Variants in UBR4 observed in about 807,000 individuals in gnomAD.
The protein encoded by UBR4 is ubiquitin protein ligase E3 component n-recognin 4, also known as E3 ubiquitin-protein ligase UBR4.
In UBR4, 124 loss-of-function variants were observed where a neutral mutation model predicts 575.6. The observed-to-expected ratio is 0.22, with a 90% CI of 0.19 to 0.25. The LOEUF (loss-of-function observed/expected upper bound fraction) is 0.25, where lower values mean the gene tolerates loss of function less well. Ranked by LOEUF, UBR4 falls within the 10% of genes least tolerant of loss-of-function variation. UBR4 has a pLI of 1.00. For synonymous variants in UBR4, 2,455 were observed against 2,473.7 expected (o/e 0.99, Z 0.22); for missense variants, 4,818 against 6,478.8 (o/e 0.74, Z 8.80).
chr1:19,084,404 G>A (rs1238974761), intron 102 of UBR4, 100 bp downstream of exon 102: 4 of 1,292,592 alleles, frequency 3.1e-6, no homozygotes, highest in East Asian at 2.5e-5. Context: ...CGCTTGCTCC[G>A]GAACTAGCAT....
chr1:19,149,677 A>T, intron 49 of UBR4: 1 of 1,160,570 alleles, frequency 8.6e-7, no homozygotes, highest in Non-Finnish European at 1.1e-6. Context: ...CAACAGAAGC[A>T]GAATCAATGC....
intron 25 of UBR4, among the ~76,000 whole-genome samples, chr1:19,171,598 T>C (rs10917059): frequency 0.67 from 102,179 of 152,054 alleles, 35,197 homozygotes; most frequent in East Asian, 0.81. Context: ...CCCAGCACTT[T>C]GGGAGGCTGA....
chr1:19,128,306 G>A lies in UBR4; in HGVS notation c.9016C>T (p.Leu3006Phe), dbSNP rs771928361. The A allele has an allele frequency of 2.5e-6, 4 of 1,613,934 alleles. No homozygotes were observed. The highest frequency in any genetic ancestry group is 3.4e-6 in the Non-Finnish European group (4 of 1,179,888). Residue 3006 changes from leucine to phenylalanine, a missense_variant, in exon 62 of 106, where the codon CTC becomes TTC. Physicochemically the swap from Leu to Phe is conservative, Grantham distance 22. Coordinates refer to ENST00000375254, the MANE Select transcript of UBR4 (RefSeq NM_020765.3). ...TCTTCTCCATCCAGATCTGTAGTGAGCATTAGAATGACCTAGAAGTCAAAG... is the reference window on the plus strand; with the variant it reads ...TCTTCTCCATCCAGATCTGTAGTGAACATTAGAATGACCTAGAAGTCAAAG... ...AIPYMQVILM[L>F]TTDLDGEDEK...
At position 19,089,420 on chromosome 1, in the gene UBR4, G is replaced by A. The variant is rs550000188; in HGVS notation, c.14212-443C>T. On this transcript the variant is annotated intron_variant, in intron 97 of 105. Coordinates refer to ENST00000375254, the MANE Select transcript of UBR4 (RefSeq NM_020765.3). The surrounding 1 kb of genome is among the most constrained non-coding windows in gnomAD (Gnocchi z 4.3). ...TAAGGACCTGCCCTGAGTTCTCCACGGGAGCCCCTGGGTCCACCAAACCTA... is the reference window on the plus strand; with the variant it reads ...TAAGGACCTGCCCTGAGTTCTCCACAGGAGCCCCTGGGTCCACCAAACCTA... 1.3e-5 allele frequency among the ~76,000 whole-genome samples: 2 copies of A among 152,234 alleles called. No individual in the cohort carries two copies. Among genetic ancestry groups the A allele is most frequent in the Admixed American group, 6.5e-5 (1 of 15,296 alleles).
rs764391143 is a variant in UBR4 at position 19,076,749 on chromosome 1, C to A, written c.15478G>T (p.Asp5160Tyr). 1.2e-6 allele frequency: 2 copies of A among 1,614,114 alleles called. No individual in the cohort carries two copies. Among genetic ancestry groups the A allele is most frequent in the Non-Finnish European group, 1.7e-6 (2 of 1,180,022 alleles). The change falls in exon 105 of 106, where the codon GAT (aspartate) becomes TAT (tyrosine). Residue 5160 changes from aspartate to tyrosine, a missense_variant. Physicochemically the swap from Asp to Tyr is radical, Grantham distance 160. Around this residue, in one of 29 missense-constraint regions of UBR4, gnomAD observed 212 missense variants for 221.3 expected, o/e 0.96. Transcript: ENST00000375254. Reference protein sequence around the residue: ...MPVETFSEFLDVAGLLSEITD... With the variant: ...MPVETFSEFLYVAGLLSEITD... ...AAACCTTGACACTAACCGGCCACAT[C>A]GAGGAACTCTGAGAAGGTCTCCACT...
rs1321247157 is a variant in UBR4 at position 19,088,828 on chromosome 1, C to G, written c.14361G>C (p.Glu4787Asp). The G allele has an allele frequency of 6.2e-7, 1 of 1,614,082 alleles. No homozygotes were observed. Among genetic ancestry groups the G allele is most frequent in the East Asian group, 2.2e-5 (1 of 44,868 alleles). ...VNKKIDAARR[E>D]TRAEKKRMAM... ...CCATGCGCTTCTTCTCTGCCCGGGTCTCCCTGCGGGCTGCGTCAATCTTCT... is the reference window on the plus strand; with the variant it reads ...CCATGCGCTTCTTCTCTGCCCGGGTGTCCCTGCGGGCTGCGTCAATCTTCT... The change falls in exon 98 of 106, where the codon GAG becomes GAC. Residue 4787 changes from glutamate (E) to aspartate (D), a missense_variant. By Grantham distance (45) the Glu-to-Asp change is conservative (BLOSUM62 2). Coordinates refer to ENST00000375254, the MANE Select transcript of UBR4 (RefSeq NM_020765.3). This position sits in a 1 kb window ranked among gnomAD's most constrained non-coding sequence, Gnocchi z 4.0.
At chr1:19,195,695 G>C (rs972575362) in intron 8 of UBR4, among the ~76,000 whole-genome samples, 1 of 152,124 alleles carries the variant, frequency 6.6e-6, no homozygotes, top group Non-Finnish European at 1.5e-5. Flanking sequence ...CCCTAGCTGA[G>C]GCCCTAAATG....
chr1:19,080,817 G>A (rs1203697933), intron 103 of UBR4: 2 of 153,238 alleles, frequency 1.3e-5, no homozygotes, highest in South Asian at 2.0e-4. Context: ...ATAAATCAAA[G>A]ACCACTTCCT....
rs754615895 is a variant in UBR4 at position 19,156,256 on chromosome 1, GAACTGT to G, written c.6072+9_6072+14del. The stretch of plus-strand genomic sequence containing the variant: ...AAAATTCTAGGACCATATCATCAAA[GAACTGT>G]AACTGTACCTTAACAAAGTCTGCGG... On this transcript the variant is annotated intron_variant, in intron 42 of 105. Transcript: ENST00000375254. The G allele has an allele frequency of 6.2e-7, 1 of 1,613,182 alleles. No homozygotes were observed. Among genetic ancestry groups the G allele is most frequent in the African/African-American group, 1.3e-5 (1 of 74,860 alleles).
Position 19,097,208 on chromosome 1 carries a change from G to A in UBR4, c.13375C>T (p.Leu4459=), listed in dbSNP as rs775038308. Residue 4459 remains leucine (L), a synonymous_variant, in exon 91 of 106, where the codon CTG becomes TTG. Coordinates refer to ENST00000375254, the MANE Select transcript of UBR4 (RefSeq NM_020765.3). ...CATGATCTACCTGTAGTAGAGTCCA[G>A]GGACTCAATGAACTCCTCTGTGGCA... ...GDATEEFIES[L]DSTTDEEEDE... 3 of 1,613,418 alleles carry A rather than the reference G, an allele frequency of 1.9e-6. No homozygotes were observed. Among genetic ancestry groups the A allele is most frequent in the Non-Finnish European group, 2.5e-6 (3 of 1,179,662 alleles).
At chr1:19,172,833 T>C (rs1199489809) in intron 25 of UBR4, 31 bp downstream of exon 25, 4 of 1,582,742 alleles carry the variant, frequency 2.5e-6, no homozygotes, top group South Asian at 2.2e-5. Flanking sequence ...GAAGAGTGCA[T>C]GTGCATCTCT....
chr1:19,077,967 C>A lies in UBR4; in HGVS notation c.15324+9G>T. ...CCAAAACCCACTGGGCCTCTGACAG[C>A]CTCCTTACCTTAAACATGTTGTAAA... On this transcript the variant is annotated intron_variant, in intron 104 of 105. Transcript: ENST00000375254. 6.2e-7 allele frequency: 1 copy of A among 1,613,980 alleles called. No homozygotes were observed. Among genetic ancestry groups the A allele is most frequent in the South Asian group, 1.1e-5 (1 of 91,078 alleles).
At position 19,151,852 on chromosome 1, in the gene UBR4, C is replaced by T; in HGVS notation, c.7004G>A (p.Gly2335Asp). The change falls in exon 48 of 106, where the codon GGC becomes GAC. Residue 2335 changes from glycine (G) to aspartate (D), a missense_variant. Gly to Asp is a moderately conservative substitution (Grantham distance 94). Coordinates refer to ENST00000375254, the MANE Select transcript of UBR4 (RefSeq NM_020765.3). The stretch of plus-strand genomic sequence containing the variant: ...GTTGTTACTAATCTCAATGGTGAAG[C>T]CTCCGGGCTGTAGGGAGACAAGGCA... Reference protein sequence around the residue: ...GMYVANTKPGGFTIEISNNNS... With the variant: ...GMYVANTKPGDFTIEISNNNS... The T allele has an allele frequency of 6.3e-7, 1 of 1,592,910 alleles. No homozygotes were observed. The highest frequency in any genetic ancestry group is 8.6e-7 in the Non-Finnish European group (1 of 1,168,684).
At chr1:19,178,907 C>T in intron 18 of UBR4, 144 bp downstream of exon 18, 1 of 1,008,958 alleles carries the variant, frequency 9.9e-7, no homozygotes, top group Non-Finnish European at 1.5e-6. Flanking sequence ...CAGCACATCT[C>T]CAAGTCCATC....
rs921391741 is a variant in UBR4, at chr1:19,104,381, C to T, written c.12728-124G>A. 2.2e-5 allele frequency: 29 copies of T among 1,294,968 alleles called. No individual in the cohort carries two copies. The African/African-American group carries it at 2.8e-4, about 13-fold the overall frequency. 80.2% of individuals were successfully genotyped at this position (1,294,968 alleles called of 1,614,324 possible). The stretch of plus-strand genomic sequence containing the variant: ...ATCTATCTTTGTGCATGGCACAGAG[C>T]AGGTGTTCAACAAGCGGAAACAGTC... On this transcript the variant is annotated intron_variant, in intron 86 of 105. Transcript: ENST00000375254.
chr1:19,167,123 G>A lies in UBR4; in HGVS notation c.4008C>T (p.Arg1336=), dbSNP rs1323715823. 1 of 1,614,092 alleles carries A rather than the reference G, an allele frequency of 6.2e-7. No individual in the cohort carries two copies. The highest frequency in any genetic ancestry group is 8.5e-7 in the Non-Finnish European group (1 of 1,180,046). ...VAEISSNSLE[R]ILGPAESDEF... ...CATCAGACTCAGCAGGGCCCAAGAT[G>A]CGTTCCAGGGAGTTGCTACTGATCT... Residue 1336 remains arginine (R), a synonymous_variant, in exon 29 of 106, where the codon CGC becomes CGT. Transcript: ENST00000375254.
At chr1:19,104,941 T>C (rs761236119) in intron 85 of UBR4, 107 bp downstream of exon 85, 199 of 1,491,574 alleles carry the variant, frequency 1.3e-4, no homozygotes, top group Non-Finnish European at 1.7e-4. Context: ...CTTCAACAAA[T>C]ATTTCTTCTC....
chr1:19,099,610 C>G lies in UBR4; in HGVS notation c.13289G>C (p.Cys4430Ser). 1 of 1,614,048 alleles carries G rather than the reference C, an allele frequency of 6.2e-7. No homozygotes were observed. Among genetic ancestry groups the G allele is most frequent in the South Asian group, 1.1e-5 (1 of 91,070 alleles). Residue 4430 changes from cysteine to serine, a missense_variant, in exon 90 of 106, where the codon TGT (cysteine) becomes TCT (serine). This residue lies in a region of UBR4 where 19 missense variants were observed against 53.9 expected (regional missense o/e 0.35). Transcript: ENST00000375254. ...PVAEVYKKVWCTTNEGEPMRI... is the reference protein window; with the variant it reads ...PVAEVYKKVWSTTNEGEPMRI... ...GCAGGCACATACCTCATTCGTGGTACACCAGACTTTCTTGTAAACTTCAGC... is the reference window on the plus strand; with the variant it reads ...GCAGGCACATACCTCATTCGTGGTAGACCAGACTTTCTTGTAAACTTCAGC...
chr1:19,085,476 C>T (rs2076925738), intron 101 of UBR4, among the ~76,000 whole-genome samples: 1 of 152,184 alleles, frequency 6.6e-6, no homozygotes, highest in African/African-American at 2.4e-5. Flanking sequence ...GAGCCAAGAT[C>T]ACGCCACTGC....
Sources: allele counts gnomAD v4.1 joint callset (sites outside exome capture counted in the v4.1 genomes callset), GRCh38; gene constraint gnomAD v4.1.1; regional missense constraint gnomAD v4.1.1; non-coding constraint Gnocchi (gnomAD v3.1); transcripts MANE v1.5; gene names NCBI Gene and HGNC (gene_info 2026-07-23, HGNC 2026-07-21).